Variants in BEND4 observed in about 807,000 individuals in gnomAD.
The protein encoded by BEND4 is BEN domain containing 4.
In BEND4, 27 loss-of-function variants were observed where a neutral mutation model predicts 54.7. The observed-to-expected ratio is 0.49, with a 90% CI of 0.36 to 0.68. The LOEUF is 0.68. BEND4 is among the 30% of genes least tolerant of loss of function. The pLI, the probability that BEND4 is intolerant of heterozygous loss-of-function variation, is 0.00. For missense variants in BEND4, 702 were observed against 697.2 expected, an observed-to-expected ratio of 1.01 and a Z score of -0.08; for synonymous variants, 327 against 299.5, an observed-to-expected ratio of 1.09 and a Z score of -0.95.
At chr4:42,125,482 A>T in intron 4 of BEND4, 101 bp downstream of exon 4, 1 of 871,100 alleles carries the variant, frequency 1.1e-6, no homozygotes, top group South Asian at 1.5e-5. Flanking sequence ...TCAGTCAAAA[A>T]CTATTTTGCT....
At chr4:42,140,932 T>G (rs1374801873) in intron 3 of BEND4, among the ~76,000 whole-genome samples, 1 of 152,126 alleles carries the variant, frequency 6.6e-6, no homozygotes. Context: ...CTGCCCCAGC[T>G]AAAGAGGGCA....
chr4:42,133,948 C>T (rs1421450064), intron 3 of BEND4, among the ~76,000 whole-genome samples: 1 of 152,228 alleles, frequency 6.6e-6, no homozygotes, highest in East Asian at 1.9e-4. Flanking sequence ...CAATGGGCAT[C>T]CAATAAATAT....
At position 42,151,833 on chromosome 4, in the gene BEND4, C is replaced by G; in HGVS notation, c.311G>C (p.Cys104Ser). ...GTGGCCCTGGGATGTGGCGGGCGTGCAGGACGGCGACGACGACGAAGCGGC... is the reference window on the plus strand; with the variant it reads ...GTGGCCCTGGGATGTGGCGGGCGTGGAGGACGGCGACGACGACGAAGCGGC... ...AAAASSSSPS[C>S]TPATSQGHLR... is the part of the protein sequence containing the mutation. Residue 104 changes from cysteine (C) to serine (S), a missense_variant, in exon 2 of 6, where the codon TGC becomes TCC. Cys to Ser is a moderately radical substitution (Grantham distance 112). Coordinates refer to ENST00000502486, the MANE Select transcript of BEND4 (RefSeq NM_207406.4). 1 of 1,375,376 alleles carries G rather than the reference C, an allele frequency of 7.3e-7. No individual in the cohort carries two copies. Among genetic ancestry groups the G allele is most frequent in the Non-Finnish European group, 9.3e-7 (1 of 1,075,108 alleles). 85.2% of individuals were successfully genotyped at this position (1,375,376 alleles called of 1,614,324 possible). A position where few individuals can be genotyped will look rare whatever the true frequency, so the allele number is the denominator to read the frequency against.
At chr4:42,122,588 A>T (rs1720106721) in intron 4 of BEND4, among the ~76,000 whole-genome samples, 1 of 152,212 alleles carries the variant, frequency 6.6e-6, no homozygotes, top group Non-Finnish European at 1.5e-5. Flanking sequence ...AACTTTAAGG[A>T]GAGCAACATA....
chr4:42,124,323 A>T (rs1280775306), intron 4 of BEND4, among the ~76,000 whole-genome samples: 1 of 152,220 alleles, frequency 6.6e-6, no homozygotes, highest in Non-Finnish European at 1.5e-5. Context: ...ACTATACTCA[A>T]GCTTGGGCAA....
chr4:42,115,200 T>C lies in BEND4; in HGVS notation c.*2318A>G, dbSNP rs182731513. The C allele has an allele frequency of 6.6e-6, 1 of 152,216 alleles. No homozygotes were observed. Among genetic ancestry groups the C allele is most frequent in the African/African-American group, 2.4e-5 (1 of 41,432 alleles). The allele number at this position is 152,216 out of a possible 1,614,324, so 9.4% of individuals were successfully genotyped here. On this transcript the variant is annotated 3_prime_UTR_variant, in exon 6 of 6. Transcript: ENST00000502486. ...TGATAGAGAAATGATTAACCTGGAA[T>C]GGGTGCGAGGGAGGAAGAGACCATG...
chr4:42,132,620 A>G (rs1309334017), intron 3 of BEND4, among the ~76,000 whole-genome samples: 1 of 151,486 alleles, frequency 6.6e-6, no homozygotes, highest in Non-Finnish European at 1.5e-5. Context: ...AATTTTTTCT[A>G]TTTTCAGTAG....
intron 2 of BEND4, among the ~76,000 whole-genome samples, chr4:42,150,277 G>A (rs1406743964): frequency 2.0e-5 from 3 of 152,000 alleles, no homozygotes; most frequent in Non-Finnish European, 4.4e-5. Context: ...AAACACAATG[G>A]AATATTGGGG....
At chr4:42,133,849 G>A (rs765344041) in intron 3 of BEND4, among the ~76,000 whole-genome samples, 4 of 152,130 alleles carry the variant, frequency 2.6e-5, no homozygotes, top group South Asian at 4.1e-4. Flanking sequence ...GCGAGACTTC[G>A]TCTCAAAAAA....
chr4:42,138,798 T>A (rs1162685108), intron 3 of BEND4, among the ~76,000 whole-genome samples: 3 of 152,224 alleles, frequency 2.0e-5, no homozygotes, highest in Admixed American at 2.0e-4. Context: ...ATTATTTTAC[T>A]TTGGACTTTT....
At chr4:42,147,142 T>C (rs1413437839) in intron 2 of BEND4, among the ~76,000 whole-genome samples, 1 of 152,226 alleles carries the variant, frequency 6.6e-6, no homozygotes, top group Non-Finnish European at 1.5e-5. Flanking sequence ...AGAAATGATA[T>C]GTACAAAAAT....
At chr4:42,120,351 G>A (rs1397820602) in intron 4 of BEND4, 57 bp from the exon 5 acceptor site, 13 of 1,564,422 alleles carry the variant, frequency 8.3e-6, no homozygotes, top group African/African-American at 4.1e-5. Flanking sequence ...AGAAGCAGAA[G>A]TGATCTCCAT....
At chr4:42,128,849 C>G (rs187260695) in intron 3 of BEND4, among the ~76,000 whole-genome samples, 1 of 147,676 alleles carries the variant, frequency 6.8e-6, no homozygotes, top group Non-Finnish European at 1.5e-5. Flanking sequence ...GACAGGAAAA[C>G]GGCGTGAACT....
intron 3 of BEND4, among the ~76,000 whole-genome samples, chr4:42,131,323 A>G (rs1720500673): frequency 6.6e-6 from 1 of 152,236 alleles, no homozygotes; most frequent in Admixed American, 6.5e-5. Context: ...ATATAATTAT[A>G]TGCATAGAAA....
At chr4:42,151,633 GAA>G (rs1721288163) in intron 2 of BEND4, 22 bp downstream of exon 2, 2 of 1,434,318 alleles carry the variant, frequency 1.4e-6, no homozygotes, top group Non-Finnish European at 1.8e-6. Context: ...TGGCGGGAAG[GAA>G]AGTTGTGCGG....
intron 5 of BEND4, among the ~76,000 whole-genome samples, chr4:42,119,395 G>A (rs2343617): frequency 6.6e-6 from 1 of 151,852 alleles, no homozygotes; most frequent in Non-Finnish European, 1.5e-5. Context: ...ATTTGTCTAG[G>A]TCTGTATTTG....
intron 3 of BEND4, among the ~76,000 whole-genome samples, chr4:42,131,038 G>A (rs1720488916): frequency 1.3e-5 from 2 of 152,152 alleles, no homozygotes; most frequent in Non-Finnish European, 2.9e-5. Context: ...GACACATGGA[G>A]GGAAACAATA....
chr4:42,129,711 TATACAAAAAGTAACTCAA>T (rs1011375013), intron 3 of BEND4, among the ~76,000 whole-genome samples: 3 of 152,164 alleles, frequency 2.0e-5, no homozygotes, highest in Non-Finnish European at 4.4e-5. Context: ...CCTTATACCT[TATACAAAAAGTAACTCAA>T]GGTGGATTAA....
intron 2 of BEND4, among the ~76,000 whole-genome samples, chr4:42,145,968 G>C (rs1436587936): frequency 2.0e-5 from 3 of 152,192 alleles, no homozygotes; most frequent in Non-Finnish European, 4.4e-5. Flanking sequence ...TTACTTGACT[G>C]AGGTAGGGGT....
Sources: gnomAD v4.1 joint callset for allele counts (sites outside exome capture counted in the v4.1 genomes callset) on GRCh38, gnomAD v4.1.1 for gene constraint, MANE v1.5 for transcripts, NCBI Gene and HGNC (gene_info 2026-07-23, HGNC 2026-07-21) for gene names.